Variants in LRBA observed in about 807,000 individuals in gnomAD.
LRBA encodes the protein lipopolysaccharide-responsive and beige-like anchor protein.
In LRBA, 176 loss-of-function variants were observed where a neutral mutation model predicts 330.0. That is an observed-to-expected ratio of 0.53 (90% CI 0.47 to 0.60). The LOEUF (loss-of-function observed/expected upper bound fraction) is 0.60, where lower values mean the gene tolerates loss of function less well. LRBA is among the 20% of genes least tolerant of loss of function. The pLI is 0.00. For synonymous variants in LRBA, 1,230 were observed against 1,193.0 expected (o/e 1.03, Z -0.64); for missense variants, 3,259 against 3,444.8 (o/e 0.95, Z 1.35).
rs761824620 is a variant in LRBA at position 150,784,889 on chromosome 4, AT to A, written c.5580+13191del. ...GATCTACACTCTTAGCCAGAATCTG[AT>A]TCTTTACAGAGGGCTTTTGAAAATG... On this transcript the variant is annotated intron_variant, in intron 34 of 56. Transcript: ENST00000651943. 1.2e-4 allele frequency among the ~76,000 whole-genome samples: 19 copies of A among 152,326 alleles called. No individual in the cohort carries two copies. The East Asian group carries it at 1.9e-3, about 15-fold the overall frequency.
chr4:150,658,905 G>C (rs1457602003), intron 37 of LRBA, among the ~76,000 whole-genome samples: 1 of 36,140 alleles, frequency 2.8e-5, no homozygotes, highest in African/African-American at 4.1e-5. Context: ...TTTTGGTGGA[G>C]ACAGGGTTTC....
At chr4:150,949,309 CA>C (rs1342678943) in intron 2 of LRBA, among the ~76,000 whole-genome samples, 1 of 152,004 alleles carries the variant, frequency 6.6e-6, no homozygotes, top group Non-Finnish European at 1.5e-5. Flanking sequence ...GAAGAATCTC[CA>C]GAGAACCAAT....
Position 150,852,320 on chromosome 4 carries a change from T to A in LRBA, c.3390A>T (p.Gln1130His). The stretch of plus-strand genomic sequence containing the variant: ...ATGCAGCTGGAGACAAACTGTTATC[T>A]TGGAGCTCTGTGGGTAGATTAGCTT... ...TEEANLPTEL[Q>H]DNSLSPAASE... The change falls in exon 23 of 57, where the codon CAA becomes CAT. Residue 1130 changes from glutamine (Q) to histidine (H), a missense_variant. By Grantham distance (24) the Gln-to-His change is conservative (BLOSUM62 0). Coordinates refer to ENST00000651943, the MANE Select transcript of LRBA (RefSeq NM_001364905.1). The A allele has an allele frequency of 6.2e-7, 1 of 1,614,078 alleles. No individual in the cohort carries two copies. The highest frequency in any genetic ancestry group is 8.5e-7 in the Non-Finnish European group (1 of 1,180,018).
intron 47 of LRBA, among the ~76,000 whole-genome samples, chr4:150,359,373 G>T (rs1308058958): frequency 1.3e-5 from 2 of 152,178 alleles, no homozygotes; most frequent in South Asian, 4.1e-4. Context: ...TAGTCTAAGT[G>T]AGAGGTAGTG....
chr4:150,689,649 G>A (rs1258118819), intron 36 of LRBA, among the ~76,000 whole-genome samples: 1 of 152,144 alleles, frequency 6.6e-6, no homozygotes, highest in African/African-American at 2.4e-5. Context: ...ACTGAGGCCG[G>A]GCAAGATGGC....
intron 33 of LRBA, among the ~76,000 whole-genome samples, chr4:150,805,678 C>CGAAAG (rs1051885136): frequency 6.9e-6 from 1 of 144,826 alleles, no homozygotes; most frequent in Non-Finnish European, 1.5e-5. Flanking sequence ...GGAAAAGAAA[C>CGAAAG]GAAAGGAAAG....
chr4:150,940,058 C>T (rs1025247018), intron 2 of LRBA, among the ~76,000 whole-genome samples: 8 of 151,490 alleles, frequency 5.3e-5, no homozygotes, highest in East Asian at 1.9e-4. Flanking sequence ...GGAATATATA[C>T]GTAGATAATA....
rs1470520039 is a variant in LRBA at position 150,589,285 on chromosome 4, T to C, written c.6194-1101A>G. The stretch of plus-strand genomic sequence containing the variant: ...GATGAATTGACATTTCCATCGATTG[T>C]TAGAAGGGTGATAGTGCTTAATCTC... On this transcript the variant is annotated intron_variant, in intron 39 of 56. Coordinates refer to ENST00000651943, the MANE Select transcript of LRBA (RefSeq NM_001364905.1). Among the ~76,000 whole-genome samples the C allele has an allele frequency of 2.6e-5, 4 of 152,174 alleles. No homozygotes were observed. The South Asian group carries it at 8.3e-4, about 32-fold the overall frequency.
chr4:150,419,126 A>G (rs1748213160), intron 46 of LRBA, among the ~76,000 whole-genome samples: 1 of 152,150 alleles, frequency 6.6e-6, no homozygotes, highest in Non-Finnish European at 1.5e-5. Flanking sequence ...AAGAGAATTC[A>G]GTTTGGTAAA....
intron 40 of LRBA, among the ~76,000 whole-genome samples, chr4:150,522,408 A>G (rs1025777476): frequency 3.3e-5 from 5 of 152,352 alleles, no homozygotes; most frequent in African/African-American, 1.2e-4. Context: ...TAATGTGACA[A>G]TATTAGTATG....
intron 17 of LRBA, among the ~76,000 whole-genome samples, chr4:150,875,474 C>A (rs1303156900): frequency 1.3e-5 from 2 of 152,290 alleles, no homozygotes; most frequent in East Asian, 3.9e-4. Flanking sequence ...CCTGAGGCAA[C>A]AGAGAACTTC....
At chr4:150,802,993 G>A (rs1210585494) in intron 33 of LRBA, among the ~76,000 whole-genome samples, 2 of 139,248 alleles carry the variant, frequency 1.4e-5, no homozygotes, top group African/African-American at 2.7e-5. Context: ...CTGCACTCCA[G>A]CCTGGGTGGC....
chr4:150,637,021 A>T (rs1276408529), intron 37 of LRBA, among the ~76,000 whole-genome samples: 1 of 152,136 alleles, frequency 6.6e-6, no homozygotes, highest in Admixed American at 6.6e-5. Flanking sequence ...CTTGGAAAGG[A>T]TGGTGTGATT....
At chr4:150,443,976 T>C (rs1752247706) in intron 44 of LRBA, among the ~76,000 whole-genome samples, 1 of 149,886 alleles carries the variant, frequency 6.7e-6, no homozygotes, top group African/African-American at 2.4e-5. Context: ...TGCAAGGCCA[T>C]TAGAATCCTT....
intron 40 of LRBA, among the ~76,000 whole-genome samples, chr4:150,537,572 C>T (rs10027582): frequency 0.067 from 10,196 of 152,196 alleles, 562 homozygotes; most frequent in East Asian, 0.18. Flanking sequence ...AAAATATTTG[C>T]GAACTATGCA....
At chr4:150,585,348 A>G (rs1415765930) in intron 40 of LRBA, among the ~76,000 whole-genome samples, 1 of 152,216 alleles carries the variant, frequency 6.6e-6, no homozygotes, top group East Asian at 1.9e-4. Context: ...AATTTCAAGA[A>G]TTATTCTGAA....
intron 37 of LRBA, among the ~76,000 whole-genome samples, chr4:150,647,519 T>C (rs1469858631): frequency 6.6e-6 from 1 of 150,826 alleles, no homozygotes; most frequent in African/African-American, 2.4e-5. Flanking sequence ...CCAACACACC[T>C]AGTAGCAGGG....
chr4:150,823,124 G>C (rs1268016135), intron 30 of LRBA, among the ~76,000 whole-genome samples: 1 of 152,096 alleles, frequency 6.6e-6, no homozygotes, highest in Non-Finnish European at 1.5e-5. Flanking sequence ...ATTTTAACTG[G>C]AGTGAGATGA....
intron 2 of LRBA, among the ~76,000 whole-genome samples, chr4:151,006,440 C>T (rs1744087498): frequency 6.6e-6 from 1 of 151,948 alleles, no homozygotes; most frequent in Non-Finnish European, 1.5e-5. Context: ...TTTGAAGTAT[C>T]AAAACACTTC....
Sources: gnomAD v4.1 joint callset for allele counts (sites outside exome capture counted in the v4.1 genomes callset) on GRCh38, gnomAD v4.1.1 for gene constraint, MANE v1.5 for transcripts, NCBI Gene and HGNC (gene_info 2026-07-23, HGNC 2026-07-21) for gene names.